Variants in ME3 observed in about 807,000 individuals in gnomAD.
ME3 encodes malic enzyme 3, also known as NADP-dependent malic enzyme, mitochondrial.
A neutral mutation model predicts 68.9 loss-of-function variants in ME3; 48 were observed. The ratio of observed to expected loss-of-function variants is 0.70; its 90% CI spans 0.55 to 0.89. The LOEUF is 0.89. ME3 is among the 40% of genes least tolerant of loss of function. ME3 has a pLI of 0.00. For synonymous variants in ME3, 320 were observed against 318.8 expected (o/e 1.00, Z -0.04); for missense variants, 675 against 797.4 (o/e 0.85, Z 1.85).
At chr11:86,556,003 A>G (rs1956906700) in intron 4 of ME3, among the ~76,000 whole-genome samples, 1 of 152,218 alleles carries the variant, frequency 6.6e-6, no homozygotes, top group Admixed American at 6.5e-5. Flanking sequence ...CATTTTGAAA[A>G]AAAACCTGAT....
chr11:86,435,068 A>T, the ME3 span: 5 of 152,272 alleles, frequency 3.3e-5, no homozygotes, highest in Admixed American at 2.0e-4. Flanking sequence ...CATTGCATCC[A>T]ACAATGGGAG....
chr11:86,574,116 A>G (rs947226596), intron 2 of ME3, among the ~76,000 whole-genome samples: 4 of 152,168 alleles, frequency 2.6e-5, no homozygotes, highest in African/African-American at 9.7e-5. Context: ...GGAACATTTT[A>G]TCAAGGTTTT....
At chr11:86,480,764 C>T (rs923575860) in intron 7 of ME3, among the ~76,000 whole-genome samples, 3 of 152,148 alleles carry the variant, frequency 2.0e-5, no homozygotes, top group African/African-American at 7.2e-5. Context: ...AAGGGGATTC[C>T]AGCAGAAACA....
intron 4 of ME3, among the ~76,000 whole-genome samples, chr11:86,531,091 T>C (rs1462942234): frequency 9.9e-5 from 15 of 152,138 alleles, no homozygotes; most frequent in Non-Finnish European, 2.2e-4. Context: ...ATTTTTGCAT[T>C]CTACTCATCT....
intron 2 of ME3, among the ~76,000 whole-genome samples, chr11:86,644,457 C>A (rs544429059): frequency 6.6e-6 from 1 of 152,300 alleles, no homozygotes; most frequent in East Asian, 1.9e-4. Flanking sequence ...GACAATCTGA[C>A]CCCTGAGCTC....
In ME3 at chr11:86,623,796, T is replaced by C. The variant is rs1351734859; in HGVS notation, c.183+47966A>G. Among the ~76,000 whole-genome samples, 3 of 152,222 alleles carry C rather than the reference T, an allele frequency of 2.0e-5. No homozygotes were observed. In the East Asian group the frequency reaches 5.8e-4, roughly 29 times the overall value. On this transcript the variant is annotated intron_variant, in intron 2 of 14. Transcript: ENST00000543262. Reference sequence around the variant, plus strand: ...TCGGTAGCAAGCAATAATGAAATGTTCTCTGTGTGCCCAGGTGTGTTGTGG... The same window carrying C: ...TCGGTAGCAAGCAATAATGAAATGTCCTCTGTGTGCCCAGGTGTGTTGTGG...
chr11:86,555,408 A>T (rs982028554), intron 4 of ME3, among the ~76,000 whole-genome samples: 5 of 152,192 alleles, frequency 3.3e-5, no homozygotes, highest in African/African-American at 1.2e-4. Context: ...GGTTTTGGGA[A>T]TGAGAATAAG....
intron 4 of ME3, among the ~76,000 whole-genome samples, chr11:86,528,343 C>T (rs1240299021): frequency 1.3e-5 from 2 of 152,136 alleles, no homozygotes; most frequent in Admixed American, 1.3e-4. Flanking sequence ...CAGGAGCACC[C>T]AGATTCATAA....
At chr11:86,653,859 AAAG>A (rs1240331600) in intron 2 of ME3, among the ~76,000 whole-genome samples, 1 of 152,186 alleles carries the variant, frequency 6.6e-6, no homozygotes, top group African/African-American at 2.4e-5. Flanking sequence ...CAAGACTAAT[AAAG>A]AAGAAAAGAG....
chr11:86,449,795 G>A, intron 10 of ME3, 94 bp downstream of exon 10: 1 of 862,370 alleles, frequency 1.2e-6, no homozygotes, highest in Non-Finnish European at 1.9e-6. Flanking sequence ...TCTCTATTCT[G>A]TTTGAGCAGT....
intron 8 of ME3, 59 bp downstream of exon 8, chr11:86,465,032 G>T: frequency 7.2e-7 from 1 of 1,379,542 alleles, no homozygotes; most frequent in Non-Finnish European, 1.0e-6. Context: ...TGGCATCCCA[G>T]TGAGGTTGAG....
chr11:86,606,464 A>G (rs1450689470), intron 2 of ME3, among the ~76,000 whole-genome samples: 1 of 152,186 alleles, frequency 6.6e-6, no homozygotes, highest in African/African-American at 2.4e-5. Context: ...CCCTGACCCT[A>G]AAGAATCAAT....
intron 4 of ME3, among the ~76,000 whole-genome samples, chr11:86,541,791 G>A (rs968218581): frequency 1.3e-5 from 2 of 152,226 alleles, no homozygotes; most frequent in Non-Finnish European, 2.9e-5. Context: ...CAGTGCTTGA[G>A]CTCTGCTAAG....
At chr11:86,530,955 A>G (rs1435144885) in intron 4 of ME3, among the ~76,000 whole-genome samples, 1 of 152,180 alleles carries the variant, frequency 6.6e-6, no homozygotes, top group African/African-American at 2.4e-5. Context: ...CTTCATGTCT[A>G]AAACACCAAA....
chr11:86,445,027 T>A (rs1383929921), intron 13 of ME3, among the ~76,000 whole-genome samples: 1 of 152,146 alleles, frequency 6.6e-6, no homozygotes, highest in African/African-American at 2.4e-5. Flanking sequence ...TGTGTGGATG[T>A]CCCATGGTAT....
At chr11:86,528,809 G>A (rs1014330435) in intron 4 of ME3, among the ~76,000 whole-genome samples, 35 of 152,132 alleles carry the variant, frequency 2.3e-4, no homozygotes, top group Admixed American at 7.9e-4. Flanking sequence ...TGAAACCAAC[G>A]AGAACAAAGA....
intron 7 of ME3, among the ~76,000 whole-genome samples, chr11:86,483,520 T>C (rs1461543525): frequency 6.6e-6 from 1 of 151,886 alleles, no homozygotes; most frequent in Non-Finnish European, 1.5e-5. Context: ...TGTGTGTGAT[T>C]ATGGTGAGGG....
chr11:86,616,683 A>T (rs1041365579), intron 2 of ME3, among the ~76,000 whole-genome samples: 2 of 152,196 alleles, frequency 1.3e-5, no homozygotes, highest in Non-Finnish European at 2.9e-5. Context: ...GTTGGGGGAC[A>T]TTCTACAAGA....
chr11:86,511,882 A>AGACCCAT (rs779189528), intron 4 of ME3, among the ~76,000 whole-genome samples: 2 of 152,098 alleles, frequency 1.3e-5, no homozygotes, highest in African/African-American at 2.4e-5. Flanking sequence ...GACCCCACCA[A>AGACCCAT]GACCCATGAC....
Sources: allele counts gnomAD v4.1 joint callset (sites outside exome capture counted in the v4.1 genomes callset), GRCh38; gene constraint gnomAD v4.1.1; transcripts MANE v1.5; gene names NCBI Gene and HGNC (gene_info 2026-07-23, HGNC 2026-07-21).